The following RBM19 variants were observed in gnomAD, a reference collection of about 807,000 sequenced individuals.
The protein encoded by RBM19 is RNA binding motif protein 19.
A neutral mutation model predicts 116.8 loss-of-function variants in RBM19; 94 were observed. The ratio of observed to expected loss-of-function variants is 0.80; its 90% confidence interval spans 0.68 to 0.95. The LOEUF (loss-of-function observed/expected upper bound fraction) is 0.95. Among genes scored for constraint, RBM19 ranks in the 40% least tolerant of loss-of-function variants. The pLI is 0.00. For missense variants in RBM19, 1,161 were observed against 1,220.7 expected, an observed-to-expected ratio of 0.95 and a Z score of 0.73; for synonymous variants, 475 against 494.1, an observed-to-expected ratio of 0.96 and a Z score of 0.51.
chr12:113,829,790 C>T (rs1322273542), intron 23 of RBM19, among the ~76,000 whole-genome samples: 1 of 152,208 alleles, frequency 6.6e-6, no homozygotes, highest in Non-Finnish European at 1.5e-5. Flanking sequence ...GGGCCCGGCC[C>T]GTTGAGGTGC....
intron 10 of RBM19, 93 bp downstream of exon 10, chr12:113,948,740 T>C: frequency 7.8e-7 from 1 of 1,285,990 alleles, no homozygotes; most frequent in South Asian, 1.3e-5. Flanking sequence ...TGTGGAGTCG[T>C]GTGCACACTG....
At chr12:113,932,032 G>A (rs373081605) in intron 16 of RBM19, among the ~76,000 whole-genome samples, 3 of 152,332 alleles carry the variant, frequency 2.0e-5, no homozygotes, top group Admixed American at 6.5e-5. Flanking sequence ...TGGGCGATGA[G>A]TCTGTTGGGC....
At chr12:113,955,861 T>A (rs1455751944) in intron 6 of RBM19, among the ~76,000 whole-genome samples, 1 of 152,188 alleles carries the variant, frequency 6.6e-6, no homozygotes, top group African/African-American at 2.4e-5. Context: ...TGCTGCCTTT[T>A]ATCCTGTATT....
intron 21 of RBM19, among the ~76,000 whole-genome samples, chr12:113,869,366 C>T (rs11614992): frequency 0.093 from 14,204 of 152,260 alleles, 834 homozygotes; most frequent in Non-Finnish European, 0.14. Context: ...TCTGCCATCC[C>T]TTGGGCAGGG....
chr12:113,939,363 A>G (rs1307687286), intron 15 of RBM19, among the ~76,000 whole-genome samples: 1 of 152,130 alleles, frequency 6.6e-6, no homozygotes, highest in Non-Finnish European at 1.5e-5. Flanking sequence ...TAAAATTAAA[A>G]TGCTAATCCA....
In RBM19 at chr12:113,918,406, C is replaced by T. The variant is rs553200238; in HGVS notation, c.2427G>A (p.Ser809=). The T allele has an allele frequency of 2.6e-5, 42 of 1,614,218 alleles. No homozygotes were observed. Among genetic ancestry groups the T allele is most frequent in the South Asian group, 1.2e-4 (11 of 91,078 alleles). The change falls in exon 20 of 24, where the codon TCG becomes TCA. Residue 809 remains serine (S), a synonymous_variant. Transcript: ENST00000261741. ...VDGHKLEVRI[S]ERATKPAVTL... ...TGAAGACTCACTTAGTGGCTCGTTC[C>T]GAGATCCTCACTTCCAGCTTGTGGC...
At chr12:113,936,081 G>A (rs1311437535) in intron 16 of RBM19, among the ~76,000 whole-genome samples, 1 of 144,452 alleles carries the variant, frequency 6.9e-6, no homozygotes, top group Non-Finnish European at 1.5e-5. Context: ...ATCTGACAGT[G>A]TTCCTCCCCA....
At position 113,860,108 on chromosome 12, in the gene RBM19, T is replaced by A. The variant is rs191138534; in HGVS notation, c.2559-1212A>T. Among the ~76,000 whole-genome samples the A allele has an allele frequency of 1.3e-3, 195 of 152,286 alleles. 4 individuals carry two copies. The highest frequency in any genetic ancestry group is 1.0e-3 in the Non-Finnish European group (70 of 68,022). On this transcript the variant is annotated intron_variant, in intron 21 of 23. Transcript: ENST00000261741. ...CAGCAGCTCTGCTCCCCCCTCCTGG[T>A]GCCTCCTCTGTGCAGGCAACGAGAA... is the stretch of plus-strand genomic sequence containing the variant.
At chr12:113,928,053 T>C (rs1264924107) in intron 16 of RBM19, among the ~76,000 whole-genome samples, 3 of 152,184 alleles carry the variant, frequency 2.0e-5, no homozygotes, top group Non-Finnish European at 2.9e-5. Context: ...AACCATGATC[T>C]AAGCTAGGTG....
Position 113,922,526 on chromosome 12 carries a change from C to T in RBM19, c.2306-1836G>A, listed in dbSNP as rs375926310. ...TGGCCCCACAGAGCATCTGACTGGG[C>T]GCAGTGAGAGGCAGGGACAGCCACC... On this transcript the variant is annotated intron_variant, in intron 18 of 23. Coordinates refer to ENST00000261741, the MANE Select transcript of RBM19 (RefSeq NM_016196.4). 6.6e-5 allele frequency among the ~76,000 whole-genome samples: 10 copies of T among 152,192 alleles called. No homozygotes were observed. The South Asian group carries it at 1.2e-3, about 19-fold the overall frequency.
chr12:113,888,806 G>A (rs933606514), intron 21 of RBM19, among the ~76,000 whole-genome samples: 1 of 152,218 alleles, frequency 6.6e-6, no homozygotes, highest in Non-Finnish European at 1.5e-5. Context: ...TCAACCTCAT[G>A]GGACTATTGT....
intron 1 of RBM19, 105 bp downstream of exon 1, chr12:113,966,087 T>C: frequency 7.0e-7 from 1 of 1,421,780 alleles, no homozygotes; most frequent in Non-Finnish European, 9.9e-7. Context: ...CCCGGAGTCC[T>C]GCCCCAGAGC....
chr12:113,950,191 C>T lies in RBM19; in HGVS notation c.1001-37G>A, dbSNP rs756840515. The T allele has an allele frequency of 4.6e-6, 7 of 1,510,000 alleles. No individual in the cohort carries two copies. The Admixed American group carries it at 1.0e-4, about 22-fold the overall frequency. The allele number at this position is 1,510,000 out of a possible 1,614,324, so 93.5% of individuals were successfully genotyped here. On this transcript the variant is annotated intron_variant, in intron 8 of 23. Transcript: ENST00000261741. ...CAATGACAGAGGTAAAATCTGCAGG[C>T]CTTGCAGACACTTGTGGTGGTCCCC...
chr12:113,963,264 T>A (rs1209568885), intron 1 of RBM19, among the ~76,000 whole-genome samples: 2 of 152,232 alleles, frequency 1.3e-5, no homozygotes, highest in African/African-American at 4.8e-5. Flanking sequence ...ACTATTATTA[T>A]AATTTGGTCA....
Position 113,904,000 on chromosome 12 carries a change from G to T in RBM19, c.2558+10969C>A, listed in dbSNP as rs1393201120. ...ACCCTGGAGTCCACTAAGAACTCAA[G>T]ATCTTTTTTTTGAAATAAAAAGATA... On this transcript the variant is annotated intron_variant, in intron 21 of 23. Transcript: ENST00000261741. The surrounding 1 kb of genome is among the most constrained non-coding windows in gnomAD (Gnocchi z 5.1). Among the ~76,000 whole-genome samples, 3 of 152,178 alleles carry T rather than the reference G, an allele frequency of 2.0e-5. No individual in the cohort carries two copies. Among genetic ancestry groups the T allele is most frequent in the Admixed American group, 1.3e-4 (2 of 15,280 alleles).
At chr12:113,874,903 G>A (rs1354991060) in intron 21 of RBM19, among the ~76,000 whole-genome samples, 1 of 152,250 alleles carries the variant, frequency 6.6e-6, no homozygotes, top group Non-Finnish European at 1.5e-5. Flanking sequence ...GTCTCCCTGG[G>A]AAGTCCCAGA....
At chr12:113,961,015 T>C (rs1244726773) in intron 2 of RBM19, among the ~76,000 whole-genome samples, 2 of 152,186 alleles carry the variant, frequency 1.3e-5, no homozygotes, top group Non-Finnish European at 2.9e-5. Flanking sequence ...GGGAAGGAGC[T>C]GCCATCTGGT....
At chr12:113,888,744 G>C (rs1327205058) in intron 21 of RBM19, among the ~76,000 whole-genome samples, 1 of 152,138 alleles carries the variant, frequency 6.6e-6, no homozygotes, top group Non-Finnish European at 1.5e-5. Context: ...CAGGGACACT[G>C]CCTCTGTAAG....
At chr12:113,952,935 G>T (rs898627093) in intron 7 of RBM19, among the ~76,000 whole-genome samples, 5 of 152,102 alleles carry the variant, frequency 3.3e-5, no homozygotes, top group African/African-American at 1.2e-4. Context: ...TGAGTATTTG[G>T]TTTTTGTGTA....
Sources: gnomAD v4.1 joint callset for allele counts (sites outside exome capture counted in the v4.1 genomes callset) on GRCh38, gnomAD v4.1.1 for gene constraint, Gnocchi (gnomAD v3.1) non-coding constraint, MANE v1.5 for transcripts, NCBI Gene and HGNC (gene_info 2026-07-23, HGNC 2026-07-21) for gene names.